SLC39A11: variants seen among roughly 807,000 people sequenced by gnomAD.
The protein encoded by SLC39A11 is zinc transporter ZIP11.
In SLC39A11, 33 loss-of-function variants were observed where a neutral mutation model predicts 36.1. That is an observed-to-expected ratio of 0.91 (90% CI 0.69 to 1.22). The LOEUF (loss-of-function observed/expected upper bound fraction) is 1.22, where lower values mean the gene tolerates loss of function less well. SLC39A11 is among the 50% of genes most tolerant of loss of function. SLC39A11 has a pLI of 0.00. For synonymous variants in SLC39A11, 166 were observed against 170.3 expected (o/e 0.97, Z 0.20); for missense variants, 432 against 430.3 (o/e 1.00, Z -0.03).
chr17:72,775,709 C>A (rs1015734064), intron 6 of SLC39A11, among the ~76,000 whole-genome samples: 2 of 152,170 alleles, frequency 1.3e-5, no homozygotes, highest in Non-Finnish European at 2.9e-5. Context: ...ATGCTCAAGG[C>A]CAGCCTCTGC....
chr17:72,834,374 C>G (rs146480004), intron 6 of SLC39A11, among the ~76,000 whole-genome samples: 2,949 of 152,316 alleles, frequency 0.019, 96 homozygotes, highest in African/African-American at 0.067. Context: ...ATAATCCCAG[C>G]ACTTTGGGAA....
chr17:72,686,786 GTAAAAGATTTAAATTAGAGTATCTT>G (rs1285471446), intron 7 of SLC39A11, among the ~76,000 whole-genome samples: 1 of 152,184 alleles, frequency 6.6e-6, no homozygotes, highest in Non-Finnish European at 1.5e-5. Flanking sequence ...TTCCCTTGCA[GTAAAAGATTTAAATTAGAGTATCTT>G]CTAAACAGGG....
Position 72,849,693 on chromosome 17 carries a change from C to T in SLC39A11, c.542G>A (p.Gly181Asp), listed in dbSNP as rs373163649. Residue 181 changes from glycine to aspartate, a missense_variant, in exon 6 of 10, where the codon GGC becomes GAC. Transcript: ENST00000255559. Reference sequence around the variant, plus strand: ...CAGTGCGATCCTCCTCCAGCTGCTGCCGCCGGGCTGTGCCAGATTCCCTCG... The same window carrying T: ...CAGTGCGATCCTCCTCCAGCTGCTGTCGCCGGGCTGTGCCAGATTCCCTCG... ...PSRGNLAQPG[G>D]SSWRRIALLI... 4.5e-5 allele frequency: 72 copies of T among 1,609,994 alleles called. No individual in the cohort carries two copies. Among genetic ancestry groups the T allele is most frequent in the East Asian group, 2.2e-4 (10 of 44,704 alleles).
At chr17:72,919,880 G>A (rs16977436) in intron 5 of SLC39A11, among the ~76,000 whole-genome samples, 40 of 152,112 alleles carry the variant, frequency 2.6e-4, no homozygotes, top group African/African-American at 7.7e-4. Flanking sequence ...TCGGAGAGCC[G>A]GGTGGACAAG....
chr17:73,046,036 C>G (rs1055052484), intron 3 of SLC39A11, among the ~76,000 whole-genome samples: 2 of 152,154 alleles, frequency 1.3e-5, no homozygotes, highest in Non-Finnish European at 2.9e-5. Context: ...AAGAAAGCAG[C>G]CCCTCCTATG....
At chr17:72,938,493 A>T (rs2084905676) in intron 5 of SLC39A11, among the ~76,000 whole-genome samples, 1 of 152,226 alleles carries the variant, frequency 6.6e-6, no homozygotes. Flanking sequence ...CAAAAGGTTG[A>T]CATGGGAGTG....
intron 6 of SLC39A11, among the ~76,000 whole-genome samples, chr17:72,804,248 C>T (rs1219404548): frequency 6.6e-6 from 1 of 152,104 alleles, no homozygotes; most frequent in Non-Finnish European, 1.5e-5. Context: ...TTCCAAGTCC[C>T]CATTTGAATG....
chr17:72,850,319 T>A (rs2079247592), intron 5 of SLC39A11, among the ~76,000 whole-genome samples: 1 of 151,870 alleles, frequency 6.6e-6, no homozygotes, highest in African/African-American at 2.4e-5. Context: ...CTAGGCGTGG[T>A]GGTATGCACC....
intron 6 of SLC39A11, among the ~76,000 whole-genome samples, chr17:72,805,333 T>C (rs2077215955): frequency 6.6e-6 from 1 of 152,118 alleles, no homozygotes; most frequent in South Asian, 2.1e-4. Flanking sequence ...TAGCTCAAGC[T>C]TGCCTACTCT....
chr17:72,811,264 G>A (rs1381150594), intron 6 of SLC39A11, among the ~76,000 whole-genome samples: 2 of 152,048 alleles, frequency 1.3e-5, no homozygotes, highest in Admixed American at 6.6e-5. Context: ...GGTAGAAAGG[G>A]TCAGGCAACT....
rs115086483 is a variant in SLC39A11, at chr17:72,852,610, G to C, written c.431-2806C>G. 3.8e-3 allele frequency among the ~76,000 whole-genome samples: 581 copies of C among 152,168 alleles called. 1 individual carries two copies. Among genetic ancestry groups the C allele is most frequent in the African/African-American group, 0.014 (561 of 41,534 alleles). ...ATGTGTGCATGTGTATGTGCGTGTG[G>C]GTGCATACAACTGCTACTCAGTACC... On this transcript the variant is annotated intron_variant, in intron 5 of 9. Transcript: ENST00000255559.
chr17:72,976,156 C>A (rs1226921281), intron 4 of SLC39A11, among the ~76,000 whole-genome samples: 1 of 112,516 alleles, frequency 8.9e-6, no homozygotes, highest in Non-Finnish European at 1.7e-5. Context: ...AGCGACAGAG[C>A]GCGACTCCAT....
chr17:72,739,181 G>A (rs2074566929), intron 6 of SLC39A11, among the ~76,000 whole-genome samples: 1 of 151,002 alleles, frequency 6.6e-6, no homozygotes, highest in Non-Finnish European at 1.5e-5. Flanking sequence ...AGGCTGGAGT[G>A]CAGTGGTGCG....
chr17:72,725,692 C>G (rs1464557471), intron 7 of SLC39A11: 1 of 152,212 alleles, frequency 6.6e-6, no homozygotes, highest in Admixed American at 6.5e-5. Flanking sequence ...TGCCAGCCGG[C>G]ACTTTCAAAT....
chr17:72,911,924 G>A (rs12600369), intron 5 of SLC39A11, among the ~76,000 whole-genome samples: 20,778 of 152,130 alleles, frequency 0.14, 1,701 homozygotes, highest in East Asian at 0.22. Context: ...GATTACAGGC[G>A]TGAGCCACTG....
intron 6 of SLC39A11, among the ~76,000 whole-genome samples, chr17:72,834,858 AT>A (rs1353271775): frequency 6.6e-6 from 1 of 152,146 alleles, no homozygotes; most frequent in Non-Finnish European, 1.5e-5. Flanking sequence ...TTTAACCCCA[AT>A]CCTAGCGCAG....
At chr17:73,015,791 C>T (rs1192883079) in intron 4 of SLC39A11, among the ~76,000 whole-genome samples, 1 of 152,122 alleles carries the variant, frequency 6.6e-6, no homozygotes, top group Non-Finnish European at 1.5e-5. Flanking sequence ...CCATATTGGC[C>T]AGGCTGGCTG....
At chr17:72,754,037 T>TACAC (rs1481388598) in intron 6 of SLC39A11, among the ~76,000 whole-genome samples, 26 of 119,628 alleles carry the variant, frequency 2.2e-4, no homozygotes, top group East Asian at 1.1e-3. Flanking sequence ...TATATATATA[T>TACAC]ATATATATAC....
chr17:72,907,250 G>A (rs968075708), intron 5 of SLC39A11, among the ~76,000 whole-genome samples: 7 of 152,232 alleles, frequency 4.6e-5, no homozygotes, highest in African/African-American at 1.7e-4. Context: ...TGCACTTCGG[G>A]AGGCCGAGGC....
Sources: allele counts gnomAD v4.1 joint callset (sites outside exome capture counted in the v4.1 genomes callset), GRCh38; gene constraint gnomAD v4.1.1; transcripts MANE v1.5; gene names NCBI Gene and HGNC (gene_info 2026-07-23, HGNC 2026-07-21).